The following NCKAP5L variants were observed in gnomAD, a reference collection of about 807,000 sequenced individuals.
NCKAP5L encodes nck-associated protein 5-like.
Under a neutral mutation model 103.2 loss-of-function variants are expected in NCKAP5L, and 54 were observed. The ratio of observed to expected loss-of-function variants is 0.52; its 90% confidence interval spans 0.42 to 0.66. The LOEUF (loss-of-function observed/expected upper bound fraction) is 0.66. NCKAP5L is among the 30% of genes least tolerant of loss of function. NCKAP5L has a pLI of 0.00. For synonymous variants in NCKAP5L, 762 were observed against 748.6 expected (o/e 1.02, Z -0.29); for missense variants, 1,733 against 1,750.6 (o/e 0.99, Z 0.18).
chr12:49,822,337 C>T (rs1386066543), intron 1 of NCKAP5L, among the ~76,000 whole-genome samples: 1 of 151,976 alleles, frequency 6.6e-6, no homozygotes, highest in Non-Finnish European at 1.5e-5. Flanking sequence ...ACAGGAGAGC[C>T]GACATAGGCG....
chr12:49,816,798 TAAAAA>T (rs34850509), intron 1 of NCKAP5L, among the ~76,000 whole-genome samples: 2 of 138,158 alleles, frequency 1.4e-5, no homozygotes, highest in African/African-American at 5.4e-5. Context: ...GTCTGTCTCA[TAAAAA>T]AAAAAAAAAA....
chr12:49,796,933 A>T lies in NCKAP5L; in HGVS notation c.927T>A (p.Asn309Lys), dbSNP rs1214651658. The T allele has an allele frequency of 6.2e-7, 1 of 1,606,688 alleles. No homozygotes were observed. Among genetic ancestry groups the T allele is most frequent in the Non-Finnish European group, 8.5e-7 (1 of 1,177,190 alleles). The change falls in exon 8 of 13, where the codon AAT becomes AAA. Residue 309 changes from asparagine (N) to lysine (K), a missense_variant. Physicochemically the swap from Asn to Lys is moderately conservative, Grantham distance 94. Transcript: ENST00000335999. ...SSSSDEAGDP[N>K]EAPSPDTLLG... ...GCAGGGTGTCGGGGCTGGGTGCCTCATTGGGGTCACCTGCCTCATCAGAAG... is the reference window on the plus strand; with the variant it reads ...GCAGGGTGTCGGGGCTGGGTGCCTCTTTGGGGTCACCTGCCTCATCAGAAG...
At position 49,802,964 on chromosome 12, in the gene NCKAP5L, G is replaced by A; in HGVS notation, c.225C>T (p.Asn75=). 1 of 1,614,106 alleles carries A rather than the reference G, an allele frequency of 6.2e-7. No individual in the cohort carries two copies. The highest frequency in any genetic ancestry group is 2.2e-5 in the East Asian group (1 of 44,876). ...GGGTGTCTGGGTTACTCACCTTCTGGTTCAGCAACGCCTGTACCACATGGT... is the reference window on the plus strand; with the variant it reads ...GGGTGTCTGGGTTACTCACCTTCTGATTCAGCAACGCCTGTACCACATGGT... ...VANHVVQALL[N]QKDLREECIK... is the part of the protein sequence containing the mutation. The change falls in exon 5 of 13, where the codon AAC becomes AAT. Residue 75 remains asparagine, a synonymous_variant. Transcript: ENST00000335999.
rs778585353 is a variant in NCKAP5L at position 49,795,705 on chromosome 12, G to C, written c.2155C>G (p.Leu719Val). The change falls in exon 8 of 13, where the codon CTA becomes GTA. Residue 719 changes from leucine (L) to valine (V), a missense_variant. Leu to Val is a conservative substitution (Grantham distance 32). Transcript: ENST00000335999. ...CCCCGTATCCCCCCCTTGGCTTCTAGCTGCTCCAGTGGCCTGTGGATGGAG... is the reference window on the plus strand; with the variant it reads ...CCCCGTATCCCCCCCTTGGCTTCTACCTGCTCCAGTGGCCTGTGGATGGAG... ...VPSIHRPLEQ[L>V]EAKGGIRGAV... is the part of the protein sequence containing the mutation. 3.1e-6 allele frequency: 5 copies of C among 1,611,166 alleles called. No individual in the cohort carries two copies. The highest frequency in any genetic ancestry group is 2.5e-6 in the Non-Finnish European group (3 of 1,178,764).
chr12:49,803,384 G>A (rs192494431), intron 3 of NCKAP5L, among the ~76,000 whole-genome samples: 1 of 152,268 alleles, frequency 6.6e-6, no homozygotes, highest in East Asian at 1.9e-4. Flanking sequence ...TATAAACCCC[G>A]ACCTCAGTCA....
At chr12:49,812,646 C>T (rs551729931) in intron 1 of NCKAP5L, among the ~76,000 whole-genome samples, 1 of 152,312 alleles carries the variant, frequency 6.6e-6, no homozygotes, top group East Asian at 1.9e-4. Flanking sequence ...TCCCAAAGTG[C>T]TGGGATTACA....
intron 6 of NCKAP5L, among the ~76,000 whole-genome samples, chr12:49,799,390 G>A (rs188324453): frequency 6.6e-6 from 1 of 151,356 alleles, no homozygotes; most frequent in East Asian, 1.9e-4. Flanking sequence ...GCTCACTGCA[G>A]CCTAGATCCC....
At position 49,803,533 on chromosome 12, in the gene NCKAP5L, G is replaced by C. The variant is rs1235146479; in HGVS notation, c.124-368C>G. Reference sequence around the variant, plus strand: ...CAGGGTGTTAAGAATGTGGTGAGGGGTGTGGTCTGAGGATCTGCACCCTTA... The same window carrying C: ...CAGGGTGTTAAGAATGTGGTGAGGGCTGTGGTCTGAGGATCTGCACCCTTA... On this transcript the variant is annotated intron_variant, in intron 3 of 12. Transcript: ENST00000335999. Among the ~76,000 whole-genome samples the C allele has an allele frequency of 6.6e-5, 10 of 152,216 alleles. No homozygotes were observed. In the East Asian group the frequency reaches 1.2e-3, roughly 18 times the overall value.
At chr12:49,799,434 C>A (rs968289317) in intron 6 of NCKAP5L, among the ~76,000 whole-genome samples, 1 of 151,790 alleles carries the variant, frequency 6.6e-6, no homozygotes, top group Non-Finnish European at 1.5e-5. Flanking sequence ...CTCAGCCTCC[C>A]GAGTAGCTAG....
At position 49,795,769 on chromosome 12, in the gene NCKAP5L, T is replaced by A; in HGVS notation, c.2091A>T (p.Gly697=). ...CAGCACTCTCCCCTGACTTCCCAGG[T>A]CCCCGGGTCTTTTCGGTGCCAGGCC... ...PARPGTEKTR[G]PGKSGESAGD... is the part of the protein sequence containing the mutation. Residue 697 remains glycine (G), a synonymous_variant, in exon 8 of 13, where the codon GGA becomes GGT. Transcript: ENST00000335999. 6.3e-7 allele frequency: 1 copy of A among 1,590,590 alleles called. No homozygotes were observed. The highest frequency in any genetic ancestry group is 8.6e-7 in the Non-Finnish European group (1 of 1,168,804).
At chr12:49,800,481 G>C (rs1946106504) in intron 6 of NCKAP5L, among the ~76,000 whole-genome samples, 1 of 152,230 alleles carries the variant, frequency 6.6e-6, no homozygotes, top group Non-Finnish European at 1.5e-5. Flanking sequence ...TTTGTGCAAA[G>C]GGGCTTTCAC....
chr12:49,793,369 G>T lies in NCKAP5L; in HGVS notation c.3323C>A (p.Pro1108His), dbSNP rs1021987008. 6.2e-7 allele frequency: 1 copy of T among 1,607,888 alleles called. No homozygotes were observed. Among genetic ancestry groups the T allele is most frequent in the African/African-American group, 1.3e-5 (1 of 75,030 alleles). ...PSEDSLAEPV[P>H]TSHFTACGSL... ...CTGCTGACCTGTGAAGTGTGAGGTG[G>T]GCACTGGCTCGGCCAGGCTGTCCTC... Residue 1108 changes from proline (P) to histidine (H), a missense_variant, in exon 10 of 13, where the codon CCC becomes CAC. Coordinates refer to ENST00000335999, the MANE Select transcript of NCKAP5L (RefSeq NM_001037806.4).
At position 49,796,783 on chromosome 12, in the gene NCKAP5L, C is replaced by T. The variant is rs1946054144; in HGVS notation, c.1077G>A (p.Gln359=). The change falls in exon 8 of 13, where the codon CAG becomes CAA. Residue 359 remains glutamine (Q), a synonymous_variant. Transcript: ENST00000335999. ...GGGGCGCCTGGTCTGGGGAGGATGACTGCCCAGGACCTGGGTGGTCCCCAT... is the reference window on the plus strand; with the variant it reads ...GGGGCGCCTGGTCTGGGGAGGATGATTGCCCAGGACCTGGGTGGTCCCCAT... ...PLNGDHPGPG[Q]SSSPDQAPPQ... 4.3e-6 allele frequency: 7 copies of T among 1,613,736 alleles called. No individual in the cohort carries two copies. The highest frequency in any genetic ancestry group is 5.9e-6 in the Non-Finnish European group (7 of 1,179,836).
At chr12:49,798,508 A>G (rs1368640629) in intron 6 of NCKAP5L, 45 bp from the exon 7 acceptor site, 1 of 1,472,170 alleles carries the variant, frequency 6.8e-7, no homozygotes, top group Non-Finnish European at 9.3e-7. Context: ...GTCTGACCCC[A>G]GCTCCCTACT....
intron 5 of NCKAP5L, chr12:49,802,273 G>A (rs1168565815): frequency 1.2e-5 from 3 of 246,012 alleles, no homozygotes; most frequent in African/African-American, 4.6e-5. Flanking sequence ...TTTTTGAGAC[G>A]GAGTCTCACT....
rs1174902927 is a variant in NCKAP5L at position 49,797,385 on chromosome 12, C to T, written c.475G>A (p.Glu159Lys). Residue 159 changes from glutamate to lysine, a missense_variant, in exon 8 of 13, where the codon GAG (glutamate) becomes AAG (lysine). Physicochemically the swap from Glu to Lys is moderately conservative, Grantham distance 56. Coordinates refer to ENST00000335999, the MANE Select transcript of NCKAP5L (RefSeq NM_001037806.4). This position sits in a 1 kb window ranked among gnomAD's most constrained non-coding sequence, Gnocchi z 4.5. ...GGGCCTCCTGGCCTCAGCTGCTGCTCCCAACATACCTTAGGGGAGAGATGA... is the reference window on the plus strand; with the variant it reads ...GGGCCTCCTGGCCTCAGCTGCTGCTTCCAACATACCTTAGGGGAGAGATGA... ...HCAGQREVCW[E>K]QQLRPGGPGP... The T allele has an allele frequency of 6.2e-7, 1 of 1,603,694 alleles. No individual in the cohort carries two copies. The highest frequency in any genetic ancestry group is 8.5e-7 in the Non-Finnish European group (1 of 1,175,650).
Position 49,793,691 on chromosome 12 carries a change from A to G in NCKAP5L, c.3258+43T>C, listed in dbSNP as rs370532881. 19 of 1,508,992 alleles carry G rather than the reference A, an allele frequency of 1.3e-5. No homozygotes were observed. In the East Asian group the frequency reaches 2.1e-4, roughly 17 times the overall value. 93.5% of individuals were successfully genotyped at this position (1,508,992 alleles called of 1,614,324 possible). A position where few individuals can be genotyped will look rare whatever the true frequency, so the allele number is the denominator to read the frequency against. On this transcript the variant is annotated intron_variant, in intron 9 of 12. Coordinates refer to ENST00000335999, the MANE Select transcript of NCKAP5L (RefSeq NM_001037806.4). ...AGGGGGTAAGAGACCTGGCAGGGCC[A>G]GAGAGCCAGGCCGTCCACCCAGTCC...
intron 1 of NCKAP5L, among the ~76,000 whole-genome samples, chr12:49,810,329 G>A (rs1946226077): frequency 6.6e-6 from 1 of 152,242 alleles, no homozygotes; most frequent in South Asian, 2.1e-4. Flanking sequence ...CGAGGGTACT[G>A]GAAACAGCCT....
intron 1 of NCKAP5L, among the ~76,000 whole-genome samples, chr12:49,826,898 T>C (rs1025168744): frequency 1.3e-5 from 2 of 152,172 alleles, no homozygotes; most frequent in Non-Finnish European, 2.9e-5. Context: ...AGAAAGATGC[T>C]GGAGGGACAA....
Sources: allele counts gnomAD v4.1 joint callset (sites outside exome capture counted in the v4.1 genomes callset), GRCh38; gene constraint gnomAD v4.1.1; non-coding constraint Gnocchi (gnomAD v3.1); transcripts MANE v1.5; gene names NCBI Gene and HGNC (gene_info 2026-07-23, HGNC 2026-07-21).